The following PLAC1 variants were observed in gnomAD, a reference collection of about 807,000 sequenced individuals.
PLAC1 encodes placenta associated 1, also known as placenta-specific protein 1.
For missense variants in PLAC1, 136 were observed against 163.2 expected (o/e 0.83, Z 0.91); for synonymous variants, 68 against 62.1 (o/e 1.09, Z -0.44).
At chrX:134,731,327 T>C (rs184478788) in intron 2 of PLAC1, among the ~76,000 whole-genome samples, 127 of 112,482 alleles carry the variant, frequency 1.1e-3, no homozygotes, top group African/African-American at 3.7e-3. Context: ...GCCTGGCACA[T>C]ATTTAATGCT....
chrX:134,683,218 G>A (rs2147817164), intron 2 of PLAC1, among the ~76,000 whole-genome samples: 1 of 110,125 alleles, frequency 9.1e-6, no homozygotes, highest in East Asian at 2.8e-4. Context: ...TGGGGTGTGT[G>A]GGTTGAGCAA....
chrX:134,608,746 G>A (rs1368516133), intron 1 of PLAC1, among the ~76,000 whole-genome samples: 1 of 103,996 alleles, frequency 9.6e-6, no homozygotes, highest in Non-Finnish European at 2.0e-5. Flanking sequence ...CGCCATCTCC[G>A]CTCACTGCAA....
intron 1 of PLAC1, among the ~76,000 whole-genome samples, chrX:134,627,965 C>A (rs965693895): frequency 1.1e-4 from 12 of 111,384 alleles, no homozygotes; most frequent in African/African-American, 3.9e-4. Context: ...GATGAGTTAA[C>A]CTCTCTGAGC....
chrX:134,634,602 T>C (rs1290597930), intron 1 of PLAC1, among the ~76,000 whole-genome samples: 1 of 112,305 alleles, frequency 8.9e-6, no homozygotes, highest in Non-Finnish European at 1.9e-5. Context: ...TGACATTTCC[T>C]AGAAATGGAA....
intron 2 of PLAC1, among the ~76,000 whole-genome samples, chrX:134,719,205 A>G (rs1343177009): frequency 8.9e-6 from 1 of 112,014 alleles, no homozygotes; most frequent in African/African-American, 3.3e-5. Flanking sequence ...ACTGAGTTGT[A>G]CACTCTGAAA....
chrX:134,654,207 C>T (rs1010994048), intron 1 of PLAC1, among the ~76,000 whole-genome samples: 5 of 111,987 alleles, frequency 4.5e-5, no homozygotes, highest in African/African-American at 9.8e-5. Context: ...CTTGCCTGCT[C>T]TGTCTATTCT....
At chrX:134,684,986 G>T (rs1000327230) in intron 2 of PLAC1, among the ~76,000 whole-genome samples, 1 of 112,330 alleles carries the variant, frequency 8.9e-6, no homozygotes, top group Non-Finnish European at 1.9e-5. Flanking sequence ...CATGGCAAAA[G>T]GTGGTAAAGG....
At chrX:134,690,941 CAAAAAAAAAAAAAAAAA>C (rs1161689389) in intron 2 of PLAC1, among the ~76,000 whole-genome samples, 1 of 22,596 alleles carries the variant, frequency 4.4e-5, no homozygotes, top group Non-Finnish European at 6.4e-5. Flanking sequence ...GATTCCGTCT[CAAAAAAAAAAAAAAAAA>C]AAAAAAAAAA....
chrX:134,590,515 C>T (rs1256248038), intron 2 of PLAC1, among the ~76,000 whole-genome samples: 3 of 111,837 alleles, frequency 2.7e-5, no homozygotes, highest in Non-Finnish European at 5.6e-5. Context: ...ATTACATTTG[C>T]GATAAATGAT....
At chrX:134,719,138 T>A (rs1336761322) in intron 2 of PLAC1, among the ~76,000 whole-genome samples, 1 of 111,542 alleles carries the variant, frequency 9.0e-6, no homozygotes, top group Non-Finnish European at 1.9e-5. Flanking sequence ...ATGCTGAAAA[T>A]GTCTTGAAAC....
At chrX:134,567,801 AG>A (rs2077885053) in intron 2 of PLAC1, among the ~76,000 whole-genome samples, 2 of 81,614 alleles carry the variant, frequency 2.5e-5, no homozygotes, top group African/African-American at 4.5e-5. Context: ...AAGGAAAGAA[AG>A]AGAGAGAGAG....
At chrX:134,679,893 T>C (rs1384093875) in intron 2 of PLAC1, among the ~76,000 whole-genome samples, 1 of 111,833 alleles carries the variant, frequency 8.9e-6, no homozygotes, top group Admixed American at 9.5e-5. Context: ...CGGGTGAAGG[T>C]GAGCAAGAGG....
intron 1 of PLAC1, among the ~76,000 whole-genome samples, chrX:134,619,583 G>A (rs1047181698): frequency 9.2e-6 from 1 of 108,427 alleles, no homozygotes; most frequent in Admixed American, 9.8e-5. Flanking sequence ...CCTGGGAGGC[G>A]GAGGTTGCAG....
chrX:134,614,801 A>T (rs748841413), intron 1 of PLAC1, among the ~76,000 whole-genome samples: 29 of 110,394 alleles, frequency 2.6e-4, no homozygotes, highest in African/African-American at 9.6e-4. Flanking sequence ...TGCCCAGCTA[A>T]TTTTTTTTCT....
intron 2 of PLAC1, among the ~76,000 whole-genome samples, chrX:134,569,739 A>AGTGTGT (rs749953575): frequency 0.028 from 2,005 of 71,991 alleles, 23 homozygotes; most frequent in South Asian, 0.035. Flanking sequence ...AGGGTAGAGT[A>AGTGTGT]GTGTGTGTGT....
At chrX:134,574,467 T>C (rs2077927170) in intron 2 of PLAC1, among the ~76,000 whole-genome samples, 1 of 111,784 alleles carries the variant, frequency 8.9e-6, no homozygotes, top group African/African-American at 3.3e-5. Context: ...CAGTAGAGCC[T>C]TTCTATAATA....
intron 2 of PLAC1, among the ~76,000 whole-genome samples, chrX:134,696,300 G>A (rs1297646551): frequency 9.0e-6 from 1 of 111,326 alleles, no homozygotes; most frequent in Non-Finnish European, 1.9e-5. Flanking sequence ...CTCCCATACT[G>A]GAGAAATCTA....
At chrX:134,605,645 G>T (rs2078119007) in intron 1 of PLAC1, 1 of 112,388 alleles carries the variant, frequency 8.9e-6, no homozygotes, top group Non-Finnish European at 1.9e-5. Context: ...TGATGGAGAG[G>T]AGGTTGCTGT....
intron 1 of PLAC1, among the ~76,000 whole-genome samples, chrX:134,753,186 A>G (rs1042181942): frequency 8.0e-5 from 9 of 112,030 alleles, no homozygotes; most frequent in African/African-American, 2.9e-4. Flanking sequence ...ATAGCAAATT[A>G]TACTTCAGAG....
Sources: allele counts gnomAD v4.1 joint callset (sites outside exome capture counted in the v4.1 genomes callset), GRCh38; gene constraint gnomAD v4.1.1; transcripts MANE v1.5; gene names NCBI Gene and HGNC (gene_info 2026-07-23, HGNC 2026-07-21).